TIMM44: variants seen among roughly 807,000 people sequenced by gnomAD.
TIMM44 encodes the protein mitochondrial import inner membrane translocase subunit TIM44.
A neutral mutation model predicts 63.8 loss-of-function variants in TIMM44; 37 were observed. The observed-to-expected ratio is 0.58, with a 90% CI of 0.45 to 0.76. The LOEUF (loss-of-function observed/expected upper bound fraction) is 0.76. Among genes scored for constraint, TIMM44 ranks in the 30% least tolerant of loss-of-function variants. TIMM44 has a pLI of 0.00. For missense variants in TIMM44, 573 were observed against 603.8 expected (o/e 0.95, Z 0.54); for synonymous variants, 239 against 245.1 (o/e 0.98, Z 0.23).
chr19:7,937,546 C>T lies in TIMM44; in HGVS notation c.312+481G>A, dbSNP rs187763829. 2.4e-3 allele frequency among the ~76,000 whole-genome samples: 373 copies of T among 152,312 alleles called. 4 individuals carry two copies. The highest frequency in any genetic ancestry group is 8.5e-3 in the African/African-American group (354 of 41,566). ...AACGCTGCATGGTCTCATGGCAGAA[C>T]CCAGAGGCCTGGAGACCCGCACCTG... On this transcript the variant is annotated intron_variant, in intron 3 of 12. Transcript: ENST00000270538.
Position 7,933,712 on chromosome 19 carries a change from T to C in TIMM44, c.684-142A>G, listed in dbSNP as rs1984053408. On this transcript the variant is annotated intron_variant, in intron 6 of 12. Transcript: ENST00000270538. This position sits in a 1 kb window ranked among gnomAD's most constrained non-coding sequence, Gnocchi z 4.3. Reference sequence around the variant, plus strand: ...GGGCTCTGAGGACCCCGCCCTCACCTCTCACCCTCAAATTCGAGGGAGCCG... The same window carrying C: ...GGGCTCTGAGGACCCCGCCCTCACCCCTCACCCTCAAATTCGAGGGAGCCG... The C allele has an allele frequency of 3.7e-6, 5 of 1,361,788 alleles. No individual in the cohort carries two copies. The African/African-American group carries it at 4.3e-5, about 12-fold the overall frequency. 84.4% of individuals were successfully genotyped at this position (1,361,788 alleles called of 1,614,324 possible).
rs1568296150 is a variant in TIMM44 at position 7,933,608 on chromosome 19, C to A, written c.684-38G>T. The stretch of plus-strand genomic sequence containing the variant: ...GTGGGCCCTGGGGTGAGCGGCGGCG[C>A]CAGGGCCACCCTGTGCCCTCCTGCG... On this transcript the variant is annotated intron_variant, in intron 6 of 12. Transcript: ENST00000270538. This position sits in a 1 kb window ranked among gnomAD's most constrained non-coding sequence, Gnocchi z 4.3. The A allele has an allele frequency of 6.4e-7, 1 of 1,571,572 alleles. No homozygotes were observed. The highest frequency in any genetic ancestry group is 1.7e-5 in the Admixed American group (1 of 59,920).
Position 7,941,128 on chromosome 19 carries a change from G to C in TIMM44, c.115C>G (p.Arg39Gly). 1 of 1,613,992 alleles carries C rather than the reference G, an allele frequency of 6.2e-7. No individual in the cohort carries two copies. Among genetic ancestry groups the C allele is most frequent in the Non-Finnish European group, 8.5e-7 (1 of 1,179,970 alleles). The change falls in exon 2 of 13, where the codon CGC becomes GGC. Residue 39 changes from arginine to glycine, a missense_variant. By Grantham distance (125) the Arg-to-Gly change is moderately radical (BLOSUM62 -2). Coordinates refer to ENST00000270538, the MANE Select transcript of TIMM44 (RefSeq NM_006351.4). ...AGTGGCAGCTCTCCGCCCGGCCGGC[G>C]CATCTGATAGGTCGACCCATGGGGT... ...NLPHGSTYQM[R>G]RPGGELPLSK...
chr19:7,941,662 AG>A (rs1984315803), intron 1 of TIMM44, among the ~76,000 whole-genome samples: 1 of 151,806 alleles, frequency 6.6e-6, no homozygotes, highest in Admixed American at 6.6e-5. Flanking sequence ...CTGAGAAGCA[AG>A]CAGAAGCTGG....
chr19:7,938,245 T>C lies in TIMM44; in HGVS notation c.142-48A>G, dbSNP rs781153560. The C allele has an allele frequency of 3.6e-5, 53 of 1,489,798 alleles. 1 individual carries two copies. The highest frequency in any genetic ancestry group is 4.3e-5 in the Non-Finnish European group (47 of 1,089,124). The allele number at this position is 1,489,798 out of a possible 1,614,324, so 92.3% of individuals were successfully genotyped here. A position where few individuals can be genotyped will look rare whatever the true frequency, so the allele number is the denominator to read the frequency against. On this transcript the variant is annotated intron_variant, in intron 2 of 12. Coordinates refer to ENST00000270538, the MANE Select transcript of TIMM44 (RefSeq NM_006351.4). The stretch of plus-strand genomic sequence containing the variant: ...AAAATTTAAAGAACATAGTAGAACA[T>C]AGAATGAAATGCCCCACAGAGGGAC...
In TIMM44 at chr19:7,938,155, C is replaced by T. The variant is rs144317041; in HGVS notation, c.184G>A (p.Gly62Ser). The change falls in exon 3 of 13, where the codon GGC becomes AGC. Residue 62 changes from glycine to serine, a missense_variant. Gly to Ser is a moderately conservative substitution (Grantham distance 56). Coordinates refer to ENST00000270538, the MANE Select transcript of TIMM44 (RefSeq NM_006351.4). ...TCTTGTTTGACATTATCTAGCAAGC[C>T]GGACAGAAAGCCTTTTCTGTTTCCA... ...SSGNRKGFLS[G>S]LLDNVKQELA... 0.012 allele frequency: 18,963 copies of T among 1,613,562 alleles called. 149 individuals carry two copies. The highest frequency in any genetic ancestry group is 0.014 in the Non-Finnish European group (16,327 of 1,179,908).
chr19:7,933,623 G>A lies in TIMM44; in HGVS notation c.684-53C>T. On this transcript the variant is annotated intron_variant, in intron 6 of 12. Transcript: ENST00000270538. This position sits in a 1 kb window ranked among gnomAD's most constrained non-coding sequence, Gnocchi z 4.3. ...AGCGGCGGCGCCAGGGCCACCCTGTGCCCTCCTGCGGCTGCAGGCAGGGGG... is the reference window on the plus strand; with the variant it reads ...AGCGGCGGCGCCAGGGCCACCCTGTACCCTCCTGCGGCTGCAGGCAGGGGG... The A allele has an allele frequency of 6.6e-7, 1 of 1,516,086 alleles. No homozygotes were observed. The highest frequency in any genetic ancestry group is 9.2e-7 in the Non-Finnish European group (1 of 1,091,476). The allele number at this position is 1,516,086 out of a possible 1,614,324, so 93.9% of individuals were successfully genotyped here. A position where few individuals can be genotyped will look rare whatever the true frequency, so the allele number is the denominator to read the frequency against.
intron 9 of TIMM44, 192 bp downstream of exon 9, chr19:7,932,435 G>C (rs1984012665): frequency 8.5e-6 from 6 of 706,116 alleles, no homozygotes; most frequent in Non-Finnish European, 1.4e-5. Flanking sequence ...TGCCGGTAAG[G>C]CCCAGGAAGG....
In TIMM44 at chr19:7,927,367, G is replaced by A. The variant is rs538337681; in HGVS notation, c.1240-61C>T. The A allele has an allele frequency of 3.1e-6, 5 of 1,590,050 alleles. No individual in the cohort carries two copies. The African/African-American group carries it at 5.4e-5, about 17-fold the overall frequency. ...GTTGAGGTGACCCAGGCAGCTCTGG[G>A]GGGGGGCCAGGCTCTGTGGGGCAGG... On this transcript the variant is annotated intron_variant, in intron 12 of 12. Coordinates refer to ENST00000270538, the MANE Select transcript of TIMM44 (RefSeq NM_006351.4).
Position 7,943,365 on chromosome 19 carries a change from G to C in TIMM44, c.45+242C>G, listed in dbSNP as rs896510654. Among the ~76,000 whole-genome samples, 1 of 152,056 alleles carries C rather than the reference G, an allele frequency of 6.6e-6. No individual in the cohort carries two copies. The highest frequency in any genetic ancestry group is 6.6e-5 in the Admixed American group (1 of 15,266). The stretch of plus-strand genomic sequence containing the variant: ...CGTGGAGTCTGATCAGAGGGCGAAG[G>C]GTGATCAGCTCCCTCCCAGGTCCCG... On this transcript the variant is annotated intron_variant, in intron 1 of 12. Coordinates refer to ENST00000270538, the MANE Select transcript of TIMM44 (RefSeq NM_006351.4). The surrounding 1 kb of genome is among the most constrained non-coding windows in gnomAD (Gnocchi z 4.3).
chr19:7,938,928 T>C (rs1294369036), intron 2 of TIMM44, among the ~76,000 whole-genome samples: 1 of 152,132 alleles, frequency 6.6e-6, no homozygotes, highest in Non-Finnish European at 1.5e-5. Context: ...CTGAAAAGGC[T>C]ACATACTGTC....
intron 2 of TIMM44, among the ~76,000 whole-genome samples, chr19:7,940,840 C>T (rs542219485): frequency 6.6e-6 from 1 of 152,158 alleles, no homozygotes; most frequent in South Asian, 2.1e-4. Flanking sequence ...GGGTCTCTTC[C>T]AAGCATTAGA....
At position 7,934,945 on chromosome 19, in the gene TIMM44, G is replaced by T; in HGVS notation, c.393+120C>A. 4 of 878,920 alleles carry T rather than the reference G, an allele frequency of 4.6e-6. No homozygotes were observed. The highest frequency in any genetic ancestry group is 2.8e-5 in the South Asian group (2 of 70,556). The allele number at this position is 878,920 out of a possible 1,614,324, so 54.4% of individuals were successfully genotyped here. A position where few individuals can be genotyped will look rare whatever the true frequency, so the allele number is the denominator to read the frequency against. Reference sequence around the variant, plus strand: ...GAAACCTTCCCGAGGGTGGCAGCACGCCCCATGCCACCCACTGCTGCCAAG... The same window carrying T: ...GAAACCTTCCCGAGGGTGGCAGCACTCCCCATGCCACCCACTGCTGCCAAG... On this transcript the variant is annotated intron_variant, in intron 4 of 12. Transcript: ENST00000270538. This position sits in a 1 kb window ranked among gnomAD's most constrained non-coding sequence, Gnocchi z 5.3.
At chr19:7,935,232 C>T in intron 3 of TIMM44, 87 bp from the exon 4 acceptor site, 3 of 1,179,672 alleles carry the variant, frequency 2.5e-6, no homozygotes, top group Admixed American at 2.1e-5. Context: ...GTGGCACGCT[C>T]TCGGCTCACT....
intron 2 of TIMM44, 98 bp downstream of exon 2, chr19:7,941,004 G>T: frequency 2.1e-6 from 2 of 956,736 alleles, no homozygotes; most frequent in Non-Finnish European, 3.3e-6. Flanking sequence ...GAGATGGTAC[G>T]AGCCACCTCT....
chr19:7,926,729 A>C lies in TIMM44; in HGVS notation c.*458T>G. 1 of 217,156 alleles carries C rather than the reference A, an allele frequency of 4.6e-6. No homozygotes were observed. The highest frequency in any genetic ancestry group is 9.5e-6 in the Non-Finnish European group (1 of 105,512). 13.5% of individuals were successfully genotyped at this position (217,156 alleles called of 1,614,324 possible). On this transcript the variant is annotated 3_prime_UTR_variant, in exon 13 of 13. Coordinates refer to ENST00000270538, the MANE Select transcript of TIMM44 (RefSeq NM_006351.4). Reference sequence around the variant, plus strand: ...TCAGACTCCGTAGCTGCTCTTCTGCAATTCGGTGTTTTATTCTTTCCAAAT... The same window carrying C: ...TCAGACTCCGTAGCTGCTCTTCTGCCATTCGGTGTTTTATTCTTTCCAAAT...
chr19:7,934,293 G>A lies in TIMM44; in HGVS notation c.394-55C>T. On this transcript the variant is annotated intron_variant, in intron 4 of 12. Coordinates refer to ENST00000270538, the MANE Select transcript of TIMM44 (RefSeq NM_006351.4). The surrounding 1 kb of genome is among the most constrained non-coding windows in gnomAD (Gnocchi z 5.3). ...TGGCACCGGCCCTGGCGGCCGGGGG[G>A]CGGGGCAGGAGGAATGAATTCCTGC... 1 of 1,599,990 alleles carries A rather than the reference G, an allele frequency of 6.3e-7. No homozygotes were observed. Among genetic ancestry groups the A allele is most frequent in the Non-Finnish European group, 8.5e-7 (1 of 1,176,958 alleles).
intron 3 of TIMM44, among the ~76,000 whole-genome samples, chr19:7,936,527 T>C (rs1235719509): frequency 1.3e-5 from 2 of 152,188 alleles, no homozygotes; most frequent in African/African-American, 4.8e-5. Context: ...AAGGGACCCG[T>C]GGCAGGTGCC....
At chr19:7,941,227 A>C in intron 1 of TIMM44, 30 bp from the exon 2 acceptor site, 1 of 1,550,062 alleles carries the variant, frequency 6.5e-7, no homozygotes, top group Non-Finnish European at 8.9e-7. Flanking sequence ...AGAAAGATCC[A>C]TTCTAACAAG....
Sources: allele counts gnomAD v4.1 joint callset (sites outside exome capture counted in the v4.1 genomes callset), GRCh38; gene constraint gnomAD v4.1.1; non-coding constraint Gnocchi (gnomAD v3.1); transcripts MANE v1.5; gene names NCBI Gene and HGNC (gene_info 2026-07-23, HGNC 2026-07-21).